TMEM243: variants seen among roughly 807,000 people sequenced by gnomAD.
TMEM243 encodes MDR1 and mitochondrial taxol resistance associated.
A neutral mutation model predicts 15.0 loss-of-function variants in TMEM243; 20 were observed. That is an observed-to-expected ratio of 1.33 (90% confidence interval 0.94 to 1.93). TMEM243 has a LOEUF of 1.93. Among genes scored for constraint, TMEM243 ranks in the 30% most tolerant of loss-of-function variants. The probability of loss-of-function intolerance (pLI) is 0.00; values close to 1 mark genes in which losing one functional copy is unlikely to be tolerated. For missense variants in TMEM243, 156 were observed against 142.1 expected, an observed-to-expected ratio of 1.10 and a Z score of -0.50; for synonymous variants, 72 against 52.7, an observed-to-expected ratio of 1.37 and a Z score of -1.59.
intron 1 of TMEM243, among the ~76,000 whole-genome samples, chr7:87,207,241 G>A (rs1006433634): frequency 9.2e-5 from 14 of 152,254 alleles, no homozygotes; most frequent in Admixed American, 3.3e-4. Context: ...TCAATCCTTC[G>A]GCAATGCTCC....
Position 87,219,496 on chromosome 7 carries a change from T to A in TMEM243, c.8A>T (p.Asp3Val). Residue 3 changes from aspartate to valine, a missense_variant, in exon 1 of 4, where the codon GAC becomes GTC. Transcript: ENST00000257637. ...GGTGCCGTAGGTCCTGGTAGCAAAGTCCTCCATTTTGGGGTTTCTTCACTT... is the reference window on the plus strand; with the variant it reads ...GGTGCCGTAGGTCCTGGTAGCAAAGACCTCCATTTTGGGGTTTCTTCACTT... ME[D>V]FATRTYGTSG... The A allele has an allele frequency of 1.2e-6, 2 of 1,614,106 alleles. No individual in the cohort carries two copies. Among genetic ancestry groups the A allele is most frequent in the African/African-American group, 2.7e-5 (2 of 75,020 alleles).
chr7:87,218,118 C>T lies in TMEM243; in HGVS notation c.78+1308G>A, dbSNP rs114958647. Among the ~76,000 whole-genome samples the T allele has an allele frequency of 7.0e-3, 1,059 of 152,360 alleles. 13 individuals carry two copies. Among genetic ancestry groups the T allele is most frequent in the African/African-American group, 0.024 (1,014 of 41,576 alleles). ...ACCCTAACATGTCCCTGTCGTAGCA[C>T]AGATCCAACCACATCACATTTGTCT... is the stretch of plus-strand genomic sequence containing the variant. On this transcript the variant is annotated intron_variant, in intron 1 of 3. Coordinates refer to ENST00000257637, the MANE Select transcript of TMEM243 (RefSeq NM_024315.4).
chr7:87,216,853 T>C (rs1173652150), intron 1 of TMEM243: 1 of 152,208 alleles, frequency 6.6e-6, no homozygotes, highest in Non-Finnish European at 1.5e-5. Flanking sequence ...GACTTCACTA[T>C]TCAACTCATG....
intron 3 of TMEM243, among the ~76,000 whole-genome samples, chr7:87,197,230 G>A (rs1009463543): frequency 6.6e-6 from 1 of 152,074 alleles, no homozygotes; most frequent in Admixed American, 6.6e-5. Flanking sequence ...TCTTCTTCGG[G>A]TCATGGGAGT....
chr7:87,216,113 TA>T (rs1283517221), intron 1 of TMEM243, among the ~76,000 whole-genome samples: 2 of 151,234 alleles, frequency 1.3e-5, no homozygotes, highest in East Asian at 1.9e-4. Flanking sequence ...CAACTAAAAA[TA>T]CAAAAAAAAA....
In TMEM243 at chr7:87,209,545, A is replaced by T. The variant is rs548968583; in HGVS notation, c.78+9881T>A. ...GAGAGAGAGTGAGAGAGAAAGTGAG[A>T]GACAATGAGAGAGACAATGAGAGAG... is the stretch of plus-strand genomic sequence containing the variant. On this transcript the variant is annotated intron_variant, in intron 1 of 3. Transcript: ENST00000257637. 6.3e-4 allele frequency among the ~76,000 whole-genome samples: 16 copies of T among 25,518 alleles called. 1 individual carries two copies. The highest frequency in any genetic ancestry group is 0.077 in the Middle Eastern group (2 of 26). 16.7% of individuals were successfully genotyped at this position (25,518 alleles called of 152,430 possible).
chr7:87,198,899 A>G (rs1801578423), intron 2 of TMEM243, 108 bp downstream of exon 2: 1 of 1,003,700 alleles, frequency 1.0e-6, no homozygotes, highest in African/African-American at 1.7e-5. Context: ...TTTTGTGGTA[A>G]TAAAATTAAA....
At chr7:87,215,866 C>T (rs1350470116) in intron 1 of TMEM243, among the ~76,000 whole-genome samples, 8 of 152,094 alleles carry the variant, frequency 5.3e-5, no homozygotes, top group Non-Finnish European at 7.4e-5. Flanking sequence ...AGGACAGGCA[C>T]GATGGCTCAA....
At chr7:87,216,313 G>GA (rs148626116) in intron 1 of TMEM243, among the ~76,000 whole-genome samples, 3,419 of 149,060 alleles carry the variant, frequency 0.023, 160 homozygotes, top group African/African-American at 0.08. Context: ...AGGCTTGGTA[G>GA]AAGGCGCCTA....
intron 1 of TMEM243, among the ~76,000 whole-genome samples, chr7:87,201,281 C>G (rs961981210): frequency 6.6e-6 from 1 of 152,202 alleles, no homozygotes; most frequent in African/African-American, 2.4e-5. Context: ...CTGTTTTAAA[C>G]TTGCTACTCA....
intron 1 of TMEM243, among the ~76,000 whole-genome samples, chr7:87,210,377 C>A (rs1479883468): frequency 1.3e-5 from 2 of 152,216 alleles, no homozygotes; most frequent in Non-Finnish European, 2.9e-5. Flanking sequence ...AGTCTTAACT[C>A]ATTCCAGCAT....
At chr7:87,198,914 C>A in intron 2 of TMEM243, 93 bp downstream of exon 2, 1 of 1,157,164 alleles carries the variant, frequency 8.6e-7, no homozygotes, top group South Asian at 1.5e-5. Flanking sequence ...ATTAAAAGCA[C>A]TTATTTAGCT....
intron 1 of TMEM243, among the ~76,000 whole-genome samples, chr7:87,209,183 T>C (rs1015518703): frequency 2.0e-5 from 3 of 152,128 alleles, no homozygotes; most frequent in Non-Finnish European, 4.4e-5. Flanking sequence ...ACTGGGTAAT[T>C]TATAAAGAAA....
At chr7:87,197,715 TTA>T (rs767609276) in intron 3 of TMEM243, 94,296 of 271,418 alleles carry the variant, frequency 0.35, 24,520 homozygotes, top group African/African-American at 0.48. Flanking sequence ...TTTTTTTTTT[TTA>T]AGCTATCAAG....
chr7:87,219,105 T>G (rs1172925834), intron 1 of TMEM243, among the ~76,000 whole-genome samples: 2 of 152,110 alleles, frequency 1.3e-5, no homozygotes, highest in African/African-American at 4.8e-5. Flanking sequence ...GGGTCAGTAC[T>G]CCTGCTGGAG....
intron 1 of TMEM243, chr7:87,203,127 T>C (rs925828536): frequency 1.3e-5 from 2 of 152,270 alleles, no homozygotes; most frequent in African/African-American, 4.8e-5. Flanking sequence ...CTAAACAGTT[T>C]GGAATGCTTA....
At chr7:87,214,532 C>T (rs1024191879) in intron 1 of TMEM243, among the ~76,000 whole-genome samples, 2 of 152,096 alleles carry the variant, frequency 1.3e-5, no homozygotes, top group Middle Eastern at 3.2e-3. Flanking sequence ...TTGAGTAAGG[C>T]GTTGTGCTAG....
At chr7:87,201,116 G>A (rs1195679366) in intron 1 of TMEM243, among the ~76,000 whole-genome samples, 2 of 152,168 alleles carry the variant, frequency 1.3e-5, no homozygotes, top group Non-Finnish European at 2.9e-5. Flanking sequence ...ATAATGTAGT[G>A]GTCCCCTCTG....
At chr7:87,209,526 G>GAGAC (rs770761973) in intron 1 of TMEM243, among the ~76,000 whole-genome samples, 4,502 of 57,174 alleles carry the variant, frequency 0.079, 93 homozygotes, top group African/African-American at 0.11. Flanking sequence ...GTGAGAGAGA[G>GAGAC]AGTGAGAGAG....
Sources: allele counts gnomAD v4.1 joint callset (sites outside exome capture counted in the v4.1 genomes callset), GRCh38; gene constraint gnomAD v4.1.1; transcripts MANE v1.5; gene names NCBI Gene and HGNC (gene_info 2026-07-23, HGNC 2026-07-21).